Variants in EHBP1 observed in about 807,000 individuals in gnomAD.
EHBP1 encodes the protein EH domain binding protein 1, also known as EH domain-binding protein 1.
EHBP1 carries 55 observed loss-of-function variants against 144.0 expected under a neutral mutation model. That is an observed-to-expected ratio of 0.38 (90% CI 0.31 to 0.48). The LOEUF (loss-of-function observed/expected upper bound fraction) is 0.48, where lower values mean the gene tolerates loss of function less well. EHBP1 is among the 20% of genes least tolerant of loss of function. The pLI, the probability that EHBP1 is intolerant of heterozygous loss-of-function variation, is 0.98. For synonymous variants in EHBP1, 469 were observed against 472.7 expected, an observed-to-expected ratio of 0.99 and a Z score of 0.10; for missense variants, 1,200 against 1,364.2, an observed-to-expected ratio of 0.88 and a Z score of 1.90.
At chr2:63,004,163 T>G (rs921545984) in intron 19 of EHBP1, among the ~76,000 whole-genome samples, 9 of 152,062 alleles carry the variant, frequency 5.9e-5, no homozygotes, top group African/African-American at 2.2e-4. Flanking sequence ...TCTTTTTTCC[T>G]TCTGTACAAA....
At chr2:62,913,979 T>A (rs2054415778) in intron 10 of EHBP1, among the ~76,000 whole-genome samples, 1 of 152,168 alleles carries the variant, frequency 6.6e-6, no homozygotes, top group Non-Finnish European at 1.5e-5. Context: ...GTTACATGTT[T>A]TTATCCTTTG....
chr2:62,905,654 A>T (rs2053743796), intron 10 of EHBP1, among the ~76,000 whole-genome samples: 1 of 151,990 alleles, frequency 6.6e-6, no homozygotes, highest in South Asian at 2.1e-4. Context: ...GTGAAACCCC[A>T]TCTCTACAAA....
At chr2:62,783,560 A>G (rs1270984879) in intron 5 of EHBP1, among the ~76,000 whole-genome samples, 1 of 152,242 alleles carries the variant, frequency 6.6e-6, no homozygotes, top group African/African-American at 2.4e-5. Flanking sequence ...CACAGGCCCA[A>G]CACCACGTAG....
intron 2 of EHBP1, among the ~76,000 whole-genome samples, chr2:62,709,311 GC>G (rs1461490443): frequency 2.6e-5 from 4 of 152,116 alleles, no homozygotes; most frequent in Admixed American, 6.5e-5. Context: ...TGACATCCAA[GC>G]TTTTGTGTTG....
At chr2:63,002,319 C>T (rs1164911365) in intron 19 of EHBP1, among the ~76,000 whole-genome samples, 1 of 152,050 alleles carries the variant, frequency 6.6e-6, no homozygotes, top group South Asian at 2.1e-4. Flanking sequence ...ATATTAGCAG[C>T]TTACAATTTA....
intron 5 of EHBP1, among the ~76,000 whole-genome samples, chr2:62,815,483 A>G (rs757759936): frequency 6.6e-6 from 1 of 152,224 alleles, no homozygotes; most frequent in African/African-American, 2.4e-5. Context: ...AATGAAAAGT[A>G]TGCATAAAGA....
chr2:62,740,645 T>G (rs1383375577), intron 2 of EHBP1, among the ~76,000 whole-genome samples: 1 of 152,126 alleles, frequency 6.6e-6, no homozygotes, highest in Non-Finnish European at 1.5e-5. Flanking sequence ...CAGTTAAGTT[T>G]GGTATTAATG....
At chr2:62,728,520 T>A (rs2037069973) in intron 2 of EHBP1, among the ~76,000 whole-genome samples, 1 of 152,246 alleles carries the variant, frequency 6.6e-6, no homozygotes, top group South Asian at 2.1e-4. Flanking sequence ...TATTTTCATA[T>A]GCTTATAGAC....
chr2:62,703,856 G>A (rs2034352707), upstream of EHBP1, among the ~76,000 whole-genome samples: 1 of 152,002 alleles, frequency 6.6e-6, no homozygotes, highest in Non-Finnish European at 1.5e-5. Context: ...CTCTCCCTTT[G>A]GAGTAAGGGA....
chr2:62,673,891 C>T, exon 1 of EHBP1: 1 of 385,686 alleles, frequency 2.6e-6, no homozygotes. Flanking sequence ...ATCTGACTCT[C>T]CCTCCCCAAA....
chr2:62,717,884 A>T (rs920846646), intron 2 of EHBP1, among the ~76,000 whole-genome samples: 7 of 152,218 alleles, frequency 4.6e-5, no homozygotes, highest in African/African-American at 9.6e-5. Context: ...GAGAGCACGT[A>T]TTACTAGGCA....
Position 63,045,344 on chromosome 2 carries a change from G to A in EHBP1, c.3393-66G>A. The A allele has an allele frequency of 1.3e-6, 2 of 1,503,372 alleles. No individual in the cohort carries two copies. The highest frequency in any genetic ancestry group is 1.8e-6 in the Non-Finnish European group (2 of 1,083,430). 93.1% of individuals were successfully genotyped at this position (1,503,372 alleles called of 1,614,324 possible). Reference sequence around the variant, plus strand: ...TCCAAATACTGGGCGACGGGGGAGTGCTGCTCTGCCCTCCACGAAGAAAAA... The same window carrying A: ...TCCAAATACTGGGCGACGGGGGAGTACTGCTCTGCCCTCCACGAAGAAAAA... On this transcript the variant is annotated intron_variant, in intron 22 of 22. Coordinates refer to ENST00000431489, the MANE Select transcript of EHBP1 (RefSeq NM_001142616.3). This position sits in a 1 kb window ranked among gnomAD's most constrained non-coding sequence, Gnocchi z 5.7.
At chr2:62,913,640 A>G (rs1266415453) in intron 10 of EHBP1, among the ~76,000 whole-genome samples, 1 of 152,202 alleles carries the variant, frequency 6.6e-6, no homozygotes, top group African/African-American at 2.4e-5. Context: ...GAATCTTTCA[A>G]TTAAGTGGTA....
chr2:62,756,286 G>T (rs1219262614), intron 3 of EHBP1, among the ~76,000 whole-genome samples: 1 of 152,064 alleles, frequency 6.6e-6, no homozygotes, highest in African/African-American at 2.4e-5. Flanking sequence ...GAGGCTACAG[G>T]TTGATTTTCA....
chr2:62,778,569 A>G (rs1412290213), intron 5 of EHBP1, among the ~76,000 whole-genome samples: 1 of 150,486 alleles, frequency 6.6e-6, no homozygotes, highest in African/African-American at 2.4e-5. Context: ...AATCCAAGGC[A>G]GTAGTGTAAA....
chr2:62,762,783 TTCTC>T (rs577825662), intron 3 of EHBP1, among the ~76,000 whole-genome samples: 81 of 152,320 alleles, frequency 5.3e-4, no homozygotes, highest in African/African-American at 1.9e-3. Flanking sequence ...ATCTCCCTGT[TTCTC>T]TCTTATGTTT....
chr2:62,732,887 A>C (rs1172969003), intron 2 of EHBP1, among the ~76,000 whole-genome samples: 2 of 152,102 alleles, frequency 1.3e-5, no homozygotes, highest in Admixed American at 6.5e-5. Context: ...CATTTTCTCA[A>C]GTTAACTTAT....
At chr2:62,895,088 T>C (rs1279418592) in intron 10 of EHBP1, among the ~76,000 whole-genome samples, 3 of 152,160 alleles carry the variant, frequency 2.0e-5, no homozygotes, top group East Asian at 3.9e-4. Context: ...TTACATGGCA[T>C]TCCAGAAAAG....
intron 5 of EHBP1, among the ~76,000 whole-genome samples, chr2:62,788,192 A>C (rs1573354343): frequency 6.6e-6 from 1 of 152,196 alleles, no homozygotes; most frequent in East Asian, 1.9e-4. Context: ...AACATTGCTT[A>C]AAAATATGCT....
Sources: gnomAD v4.1 joint callset for allele counts (sites outside exome capture counted in the v4.1 genomes callset) on GRCh38, gnomAD v4.1.1 for gene constraint, Gnocchi (gnomAD v3.1) non-coding constraint, MANE v1.5 for transcripts, NCBI Gene and HGNC (gene_info 2026-07-23, HGNC 2026-07-21) for gene names.